Variants in SRGAP1 observed in about 807,000 individuals in gnomAD.
SRGAP1 encodes the protein SLIT-ROBO Rho GTPase activating protein 1, also known as SLIT-ROBO Rho GTPase-activating protein 1.
A neutral mutation model predicts 121.9 loss-of-function variants in SRGAP1; 43 were observed. The observed-to-expected ratio is 0.35, with a 90% CI of 0.28 to 0.46. SRGAP1 has a LOEUF of 0.46. Ranked by LOEUF, SRGAP1 falls within the 20% of genes least tolerant of loss-of-function variation. SRGAP1 has a pLI of 1.00. For synonymous variants in SRGAP1, 447 were observed against 485.4 expected (o/e 0.92, Z 1.04); for missense variants, 1,102 against 1,350.9 (o/e 0.82, Z 2.89).
At chr12:64,132,960 C>T (rs2036807651) in intron 21 of SRGAP1, among the ~76,000 whole-genome samples, 1 of 152,242 alleles carries the variant, frequency 6.6e-6, no homozygotes, top group Non-Finnish European at 1.5e-5. Context: ...CTCCAATCCA[C>T]ATACCAGGAG....
At chr12:63,961,640 G>T (rs1253098040) in intron 1 of SRGAP1, among the ~76,000 whole-genome samples, 1 of 152,216 alleles carries the variant, frequency 6.6e-6, no homozygotes, top group Middle Eastern at 3.2e-3. Flanking sequence ...ATAGTGGGTG[G>T]TAGGTGCATA....
intron 1 of SRGAP1, among the ~76,000 whole-genome samples, chr12:63,857,121 C>T (rs1592886781): frequency 7.4e-6 from 1 of 135,682 alleles, no homozygotes; most frequent in African/African-American, 3.0e-5. Flanking sequence ...TTTCGCTTAC[C>T]CAGGCTGGAG....
intron 1 of SRGAP1, among the ~76,000 whole-genome samples, chr12:63,913,316 G>A (rs1487163885): frequency 1.4e-5 from 2 of 139,800 alleles, no homozygotes; most frequent in Non-Finnish European, 3.0e-5. Flanking sequence ...TCATAACCAT[G>A]CCTAGCTAAT....
Position 63,853,310 on chromosome 12 carries a change from C to T in SRGAP1, c.67+8427C>T, listed in dbSNP as rs535762897. On this transcript the variant is annotated intron_variant, in intron 1 of 21. Coordinates refer to ENST00000355086, the MANE Select transcript of SRGAP1 (RefSeq NM_020762.4). ...TGCTGGGATTACAGGTGTGAGCCACCGCACCCGGCCTATTACCACAAAATT... is the reference window on the plus strand; with the variant it reads ...TGCTGGGATTACAGGTGTGAGCCACTGCACCCGGCCTATTACCACAAAATT... Among the ~76,000 whole-genome samples, 40 of 152,120 alleles carry T rather than the reference C, an allele frequency of 2.6e-4. No homozygotes were observed. The East Asian group carries it at 6.2e-3, about 24-fold the overall frequency.
chr12:63,963,408 T>G (rs928068300), intron 1 of SRGAP1, among the ~76,000 whole-genome samples: 4 of 152,348 alleles, frequency 2.6e-5, no homozygotes, highest in Admixed American at 1.3e-4. Context: ...AATAGTAGTA[T>G]TCATTTTTTA....
chr12:64,084,264 A>G (rs1004544296), intron 10 of SRGAP1, among the ~76,000 whole-genome samples: 2 of 149,140 alleles, frequency 1.3e-5, no homozygotes, highest in African/African-American at 4.9e-5. Flanking sequence ...AGAGTAGCTG[A>G]AAAAAAATGT....
At chr12:63,932,753 C>G (rs1193407528) in intron 1 of SRGAP1, among the ~76,000 whole-genome samples, 1 of 152,216 alleles carries the variant, frequency 6.6e-6, no homozygotes, top group Non-Finnish European at 1.5e-5. Flanking sequence ...GCACTGTGCT[C>G]TGTTGAGTAT....
chr12:64,016,566 C>T (rs1478951563), intron 3 of SRGAP1, among the ~76,000 whole-genome samples: 1 of 152,174 alleles, frequency 6.6e-6, no homozygotes, highest in Non-Finnish European at 1.5e-5. Flanking sequence ...GTTAATTTCC[C>T]CTTTGGTTTC....
At chr12:63,982,194 G>A (rs1471652107) in intron 1 of SRGAP1, among the ~76,000 whole-genome samples, 3 of 151,020 alleles carry the variant, frequency 2.0e-5, no homozygotes, top group African/African-American at 7.3e-5. Flanking sequence ...CTGGGAGACA[G>A]AGCAAGACTC....
intron 1 of SRGAP1, among the ~76,000 whole-genome samples, chr12:63,968,774 G>T (rs1457189396): frequency 1.3e-5 from 2 of 152,218 alleles, no homozygotes; most frequent in Non-Finnish European, 2.9e-5. Context: ...ATCCTGTGCT[G>T]TGCTGTTGGC....
At chr12:64,009,056 A>G (rs1283796595) in intron 3 of SRGAP1, among the ~76,000 whole-genome samples, 1 of 152,156 alleles carries the variant, frequency 6.6e-6, no homozygotes, top group African/African-American at 2.4e-5. Flanking sequence ...GGCTTTACTA[A>G]TAAATTTGCA....
chr12:63,876,453 A>G (rs939757496), intron 1 of SRGAP1, among the ~76,000 whole-genome samples: 25 of 152,188 alleles, frequency 1.6e-4, no homozygotes, highest in Non-Finnish European at 5.9e-5. Context: ...TGCTTATACT[A>G]TCTTTATTAT....
Position 64,155,472 on chromosome 12 carries a change from A to T in SRGAP1, c.*12800A>T, listed in dbSNP as rs2037156850. On this transcript the variant is annotated 3_prime_UTR_variant, in exon 22 of 22. Transcript: ENST00000355086. ...GGCAGGAGAATTGCTTGAACCAGGGAGGTGGAGGTTGCAGTGAGCCAAGGT... is the reference window on the plus strand; with the variant it reads ...GGCAGGAGAATTGCTTGAACCAGGGTGGTGGAGGTTGCAGTGAGCCAAGGT... 6.7e-6 allele frequency: 1 copy of T among 149,646 alleles called. No homozygotes were observed. Among genetic ancestry groups the T allele is most frequent in the South Asian group, 2.3e-4 (1 of 4,396 alleles). 9.3% of individuals were successfully genotyped at this position (149,646 alleles called of 1,614,324 possible). A position where few individuals can be genotyped will look rare whatever the true frequency, so the allele number is the denominator to read the frequency against.
intron 11 of SRGAP1, among the ~76,000 whole-genome samples, chr12:64,088,577 T>C (rs1457753401): frequency 1.3e-5 from 2 of 152,168 alleles, no homozygotes; most frequent in African/African-American, 4.8e-5. Context: ...AGTCACGCAA[T>C]TGGAATGTTG....
At chr12:63,856,079 G>A (rs35957234) in intron 1 of SRGAP1, among the ~76,000 whole-genome samples, 6,320 of 151,924 alleles carry the variant, frequency 0.042, 172 homozygotes, top group Middle Eastern at 0.061. Flanking sequence ...CCAACATGGC[G>A]AAACGCCATC....
chr12:64,108,536 A>G (rs1158812980), intron 15 of SRGAP1, among the ~76,000 whole-genome samples: 1 of 152,236 alleles, frequency 6.6e-6, no homozygotes, highest in African/African-American at 2.4e-5. Flanking sequence ...TTATAGACAA[A>G]TATATGATGA....
chr12:64,016,743 A>G lies in SRGAP1; in HGVS notation c.427-207A>G, dbSNP rs74509053. Among the ~76,000 whole-genome samples, 1,022 of 152,030 alleles carry G rather than the reference A, an allele frequency of 6.7e-3. 12 individuals carry two copies. Among genetic ancestry groups the G allele is most frequent in the African/African-American group, 0.023 (960 of 41,470 alleles). On this transcript the variant is annotated intron_variant, in intron 3 of 21. Coordinates refer to ENST00000355086, the MANE Select transcript of SRGAP1 (RefSeq NM_020762.4). Reference sequence around the variant, plus strand: ...TGGATGGCGGGGGAGCCGTTCACCCATGGTTGTCACTTGTTTGCTCTGTTT... The same window carrying G: ...TGGATGGCGGGGGAGCCGTTCACCCGTGGTTGTCACTTGTTTGCTCTGTTT...
intron 6 of SRGAP1, among the ~76,000 whole-genome samples, chr12:64,052,512 G>A (rs912875573): frequency 1.3e-5 from 2 of 151,232 alleles, no homozygotes; most frequent in East Asian, 1.9e-4. Context: ...CCAAGATTGC[G>A]CCATTGTACT....
chr12:63,949,188 T>A (rs865809937), intron 1 of SRGAP1, among the ~76,000 whole-genome samples: 6,397 of 136,486 alleles, frequency 0.047, 388 homozygotes, highest in African/African-American at 0.078. Flanking sequence ...CATATATATT[T>A]TTTTTTCCAT....
Sources: gnomAD v4.1 joint callset for allele counts (sites outside exome capture counted in the v4.1 genomes callset) on GRCh38, gnomAD v4.1.1 for gene constraint, MANE v1.5 for transcripts, NCBI Gene and HGNC (gene_info 2026-07-23, HGNC 2026-07-21) for gene names.